Variants in KDM2A observed in about 807,000 individuals in gnomAD.
KDM2A encodes the protein lysine demethylase 2A, also known as lysine-specific demethylase 2A.
KDM2A carries 3 observed loss-of-function variants against 137.3 expected under a neutral mutation model. The observed-to-expected ratio is 0.02, with a 90% CI of 0.01 to 0.06. The LOEUF is 0.06. Ranked by LOEUF, KDM2A falls within the 10% of genes least tolerant of loss-of-function variation. KDM2A has a pLI of 1.00. For synonymous variants in KDM2A, 512 were observed against 541.5 expected (o/e 0.95, Z 0.76); for missense variants, 738 against 1,510.6 (o/e 0.49, Z 8.48).
At chr11:67,140,380 A>G (rs889566903) in intron 2 of KDM2A, among the ~76,000 whole-genome samples, 2 of 151,850 alleles carry the variant, frequency 1.3e-5, no homozygotes, top group African/African-American at 4.8e-5. Context: ...AAAAAATATC[A>G]TGGTTTTATA....
In KDM2A at chr11:67,121,272, C is replaced by T. The variant is rs760718472; in HGVS notation, c.-45C>T. On this transcript the variant is annotated 5_prime_UTR_variant, in exon 2 of 21. Coordinates refer to ENST00000529006, the MANE Select transcript of KDM2A (RefSeq NM_012308.3). Reference sequence around the variant, plus strand: ...TTCCTAAGGAGGAAGAGGAAGGCAGCCCTGGAGTGGTTTCTTTACAGTAAT... The same window carrying T: ...TTCCTAAGGAGGAAGAGGAAGGCAGTCCTGGAGTGGTTTCTTTACAGTAAT... 6.5e-7 allele frequency: 1 copy of T among 1,544,420 alleles called. No individual in the cohort carries two copies. The highest frequency in any genetic ancestry group is 9.0e-7 in the Non-Finnish European group (1 of 1,117,040).
At chr11:67,135,198 A>G (rs1855946375) in intron 2 of KDM2A, among the ~76,000 whole-genome samples, 1 of 151,930 alleles carries the variant, frequency 6.6e-6, no homozygotes, top group Non-Finnish European at 1.5e-5. Flanking sequence ...CCTCCCGAGT[A>G]GCTGGGATTA....
At chr11:67,176,814 A>G (rs953792976) in intron 2 of KDM2A, among the ~76,000 whole-genome samples, 1 of 152,196 alleles carries the variant, frequency 6.6e-6, no homozygotes, top group African/African-American at 2.4e-5. Flanking sequence ...GTATACCTGT[A>G]TAGGGCACTT....
intron 10 of KDM2A, among the ~76,000 whole-genome samples, chr11:67,220,927 G>T (rs1858326054): frequency 6.6e-6 from 1 of 151,004 alleles, no homozygotes; most frequent in South Asian, 2.1e-4. Flanking sequence ...TATAGTTCAT[G>T]ATCATGATTA....
chr11:67,246,552 C>G (rs960953813), intron 15 of KDM2A, among the ~76,000 whole-genome samples: 1 of 151,580 alleles, frequency 6.6e-6, no homozygotes, highest in African/African-American at 2.4e-5. Flanking sequence ...GTATCAGACT[C>G]AGTGCAGAGC....
chr11:67,151,969 A>G (rs1856401722), intron 2 of KDM2A, among the ~76,000 whole-genome samples: 1 of 152,126 alleles, frequency 6.6e-6, no homozygotes, highest in African/African-American at 2.4e-5. Flanking sequence ...CTGAAATGGC[A>G]TTATTGATTA....
chr11:67,177,648 C>A (rs1856999442), intron 2 of KDM2A, among the ~76,000 whole-genome samples: 1 of 151,860 alleles, frequency 6.6e-6, no homozygotes, highest in South Asian at 2.1e-4. Context: ...ATAACAATGC[C>A]TTCTTTTGGA....
intron 4 of KDM2A, 66 bp from the exon 5 acceptor site, chr11:67,181,780 A>C: frequency 7.0e-7 from 1 of 1,429,012 alleles, no homozygotes; most frequent in East Asian, 2.3e-5. Flanking sequence ...TACTTTAAGA[A>C]AAAAAACTCA....
chr11:67,233,976 G>A (rs1333570082), intron 12 of KDM2A, among the ~76,000 whole-genome samples: 4 of 152,148 alleles, frequency 2.6e-5, no homozygotes, highest in Non-Finnish European at 4.4e-5. Context: ...TACACAGGCC[G>A]ACAGTGTTTG....
intron 2 of KDM2A, among the ~76,000 whole-genome samples, chr11:67,139,577 G>A (rs1041270987): frequency 2.6e-5 from 4 of 151,708 alleles, no homozygotes; most frequent in African/African-American, 7.3e-5. Context: ...ATCTGTCTAC[G>A]TTGGTTGCCC....
chr11:67,253,376 A>G lies in KDM2A; in HGVS notation c.2933-77A>G, dbSNP rs539108491. On this transcript the variant is annotated intron_variant, in intron 18 of 20. Transcript: ENST00000529006. ...CTCCTATTAGACTGGAAGTTTGTTC[A>G]CTTTGCTCAGATCGTTACGGCTCTG... is the stretch of plus-strand genomic sequence containing the variant. The G allele has an allele frequency of 6.6e-5, 88 of 1,333,178 alleles. 1 individual carries two copies. In the Admixed American group the frequency reaches 1.2e-3, roughly 19 times the overall value. The allele number at this position is 1,333,178 out of a possible 1,614,324, so 82.6% of individuals were successfully genotyped here. A position where few individuals can be genotyped will look rare whatever the true frequency, so the allele number is the denominator to read the frequency against.
chr11:67,208,050 C>T (rs900571553), intron 6 of KDM2A, among the ~76,000 whole-genome samples: 4 of 151,870 alleles, frequency 2.6e-5, no homozygotes, highest in South Asian at 2.1e-4. Flanking sequence ...AAATAAAATG[C>T]GTTGTTTTTA....
intron 12 of KDM2A, 148 bp downstream of exon 12, chr11:67,232,108 C>G (rs1236225702): frequency 1.3e-6 from 1 of 748,662 alleles, no homozygotes; most frequent in Non-Finnish European, 2.2e-6. Context: ...TATTGCTGCT[C>G]AGTGTTTTCA....
At chr11:67,146,539 C>G (rs1236306515) in intron 2 of KDM2A, among the ~76,000 whole-genome samples, 1 of 151,444 alleles carries the variant, frequency 6.6e-6, no homozygotes, top group Admixed American at 6.6e-5. Flanking sequence ...GACAGGGTCT[C>G]ACTTTGTTAT....
At chr11:67,185,103 G>A (rs1039729361) in intron 5 of KDM2A, among the ~76,000 whole-genome samples, 13 of 152,176 alleles carry the variant, frequency 8.5e-5, no homozygotes, top group Admixed American at 5.2e-4. Flanking sequence ...TAAGGAATAT[G>A]TGGAGGAAGT....
chr11:67,199,742 G>C (rs920301752), intron 5 of KDM2A, among the ~76,000 whole-genome samples: 1 of 152,244 alleles, frequency 6.6e-6, no homozygotes, highest in Non-Finnish European at 1.5e-5. Context: ...TATAGAAGCT[G>C]CAGCAGGTTA....
rs1401761032 is a variant in KDM2A at position 67,127,206 on chromosome 11, C to T, written c.42+5848C>T. The stretch of plus-strand genomic sequence containing the variant: ...TCAACCGCCTGGCTCAAGTGGTCCT[C>T]CCATCTCAGCATGTAGCTGGGACTA... On this transcript the variant is annotated intron_variant, in intron 2 of 20. Coordinates refer to ENST00000529006, the MANE Select transcript of KDM2A (RefSeq NM_012308.3). Among the ~76,000 whole-genome samples, 5 of 152,162 alleles carry T rather than the reference C, an allele frequency of 3.3e-5. No homozygotes were observed. In the East Asian group the frequency reaches 5.8e-4, roughly 18 times the overall value.
intron 8 of KDM2A, among the ~76,000 whole-genome samples, chr11:67,216,640 G>A (rs1168648964): frequency 6.6e-6 from 1 of 152,094 alleles, no homozygotes; most frequent in Non-Finnish European, 1.5e-5. Flanking sequence ...TGAGGTCTTG[G>A]CCAGGCATGG....
intron 2 of KDM2A, among the ~76,000 whole-genome samples, chr11:67,145,727 C>T (rs1856228097): frequency 6.6e-6 from 1 of 151,980 alleles, no homozygotes; most frequent in Non-Finnish European, 1.5e-5. Context: ...TGATACCATA[C>T]TCGGCTACTT....
Sources: allele counts gnomAD v4.1 joint callset (sites outside exome capture counted in the v4.1 genomes callset), GRCh38; gene constraint gnomAD v4.1.1; transcripts MANE v1.5; gene names NCBI Gene and HGNC (gene_info 2026-07-23, HGNC 2026-07-21).